SHISA9: variants seen among roughly 807,000 people sequenced by gnomAD.
The protein encoded by SHISA9 is protein shisa-9.
SHISA9 carries 13 observed loss-of-function variants against 38.0 expected under a neutral mutation model. That is an observed-to-expected ratio of 0.34 (90% CI 0.22 to 0.54). SHISA9 has a LOEUF of 0.54. Ranked by LOEUF, SHISA9 falls within the 20% of genes least tolerant of loss-of-function variation. The pLI, the probability that SHISA9 is intolerant of heterozygous loss-of-function variation, is 0.91. For missense variants in SHISA9, 538 were observed against 575.8 expected (o/e 0.93, Z 0.67); for synonymous variants, 275 against 242.0 (o/e 1.14, Z -1.27).
intron 2 of SHISA9, among the ~76,000 whole-genome samples, chr16:13,162,373 A>G (rs906189985): frequency 5.3e-5 from 8 of 152,222 alleles, no homozygotes; most frequent in African/African-American, 1.7e-4. Context: ...CCATTAAGGT[A>G]CAAATTAAAC....
chr16:13,263,061 C>T, the SHISA9 span, among the ~76,000 whole-genome samples: 1 of 152,134 alleles, frequency 6.6e-6, no homozygotes, highest in Non-Finnish European at 1.5e-5. Context: ...CTATTCATTC[C>T]TGTGGATTTA....
At chr16:13,435,954 A>C in the SHISA9 span, among the ~76,000 whole-genome samples, 1 of 152,176 alleles carries the variant, frequency 6.6e-6, no homozygotes. Context: ...TGGCTTTAGC[A>C]TAACTTGAGG....
At chr16:13,402,908 G>A in the SHISA9 span, among the ~76,000 whole-genome samples, 3 of 152,182 alleles carry the variant, frequency 2.0e-5, no homozygotes, top group Non-Finnish European at 4.4e-5. Context: ...CACAATGTCA[G>A]GAGATTGAGA....
intron 2 of SHISA9, among the ~76,000 whole-genome samples, chr16:13,003,812 C>T (rs575453209): frequency 6.6e-6 from 1 of 151,954 alleles, no homozygotes; most frequent in East Asian, 1.9e-4. Context: ...GAGCCGAGAT[C>T]GCGCCACTGC....
the SHISA9 span, among the ~76,000 whole-genome samples, chr16:13,520,994 C>T: frequency 6.6e-6 from 1 of 152,158 alleles, no homozygotes; most frequent in Non-Finnish European, 1.5e-5. Context: ...CGTGAGAACA[C>T]TCAGAATACA....
At chr16:13,076,728 T>C (rs1387941143) in intron 2 of SHISA9, among the ~76,000 whole-genome samples, 1 of 152,212 alleles carries the variant, frequency 6.6e-6, no homozygotes, top group East Asian at 1.9e-4. Flanking sequence ...ACATCGGCAA[T>C]AGCCTCTTGC....
intron 2 of SHISA9, among the ~76,000 whole-genome samples, chr16:13,139,224 C>G (rs554413023): frequency 3.6e-4 from 54 of 151,676 alleles, no homozygotes; most frequent in Non-Finnish European, 6.0e-4. Flanking sequence ...TTCCCTCACT[C>G]CCTTCCTTTC....
chr16:13,064,387 A>AT (rs2073410099), intron 2 of SHISA9, among the ~76,000 whole-genome samples: 3 of 152,210 alleles, frequency 2.0e-5, no homozygotes, highest in African/African-American at 7.2e-5. Flanking sequence ...AAAGAATAGA[A>AT]CACATGAGAT....
chr16:13,250,435 G>A, the SHISA9 span, among the ~76,000 whole-genome samples: 6 of 152,250 alleles, frequency 3.9e-5, no homozygotes, highest in East Asian at 7.7e-4. Context: ...ACTCCTAAGA[G>A]CATTAGGATA....
chr16:13,199,565 C>T (rs2050984025), intron 2 of SHISA9, among the ~76,000 whole-genome samples: 1 of 152,242 alleles, frequency 6.6e-6, no homozygotes, highest in Admixed American at 6.5e-5. Flanking sequence ...GCTTCTCTCT[C>T]TCCTCAGCTG....
At chr16:13,108,983 T>C (rs796944747) in intron 2 of SHISA9, among the ~76,000 whole-genome samples, 12 of 152,306 alleles carry the variant, frequency 7.9e-5, no homozygotes, top group African/African-American at 2.6e-4. Context: ...GTGACAGGTA[T>C]ATGATGATTC....
chr16:13,128,535 T>A (rs532851316), intron 2 of SHISA9, among the ~76,000 whole-genome samples: 2 of 152,262 alleles, frequency 1.3e-5, no homozygotes, highest in African/African-American at 4.8e-5. Context: ...CCATGTAGGA[T>A]TGGTAAGAGA....
intron 2 of SHISA9, among the ~76,000 whole-genome samples, chr16:13,010,984 C>G (rs1360436862): frequency 6.6e-6 from 1 of 152,018 alleles, no homozygotes; most frequent in African/African-American, 2.4e-5. Flanking sequence ...AATAAATATT[C>G]TTATCAAGTT....
chr16:13,495,791 G>A, the SHISA9 span, among the ~76,000 whole-genome samples: 2 of 152,070 alleles, frequency 1.3e-5, no homozygotes, highest in Non-Finnish European at 2.9e-5. Flanking sequence ...AAATGTAATA[G>A]CAAAGTTAAA....
the SHISA9 span, among the ~76,000 whole-genome samples, chr16:13,554,297 T>TTA: frequency 7.5e-6 from 1 of 133,552 alleles, no homozygotes; most frequent in South Asian, 2.4e-4. Context: ...TGCTAGAGAT[T>TTA]AAAAAAAAAA....
intron 2 of SHISA9, among the ~76,000 whole-genome samples, chr16:13,173,984 G>A (rs921788110): frequency 2.0e-5 from 3 of 152,058 alleles, no homozygotes; most frequent in Admixed American, 1.3e-4. Flanking sequence ...TCGGAGTCCT[G>A]GCAGATTCCA....
intron 2 of SHISA9, among the ~76,000 whole-genome samples, chr16:13,192,691 C>T (rs867034281): frequency 4.6e-5 from 7 of 152,028 alleles, no homozygotes; most frequent in East Asian, 1.9e-4. Context: ...CTGACTAACA[C>T]GGTGAAACCC....
chr16:13,321,516 C>T, the SHISA9 span, among the ~76,000 whole-genome samples: 1 of 152,138 alleles, frequency 6.6e-6, no homozygotes, highest in Admixed American at 6.5e-5. Context: ...TAAATAAGGC[C>T]ATTATTAGCA....
chr16:13,196,231 A>C (rs1327598441), intron 2 of SHISA9, among the ~76,000 whole-genome samples: 2 of 150,654 alleles, frequency 1.3e-5, no homozygotes, highest in African/African-American at 2.4e-5. Flanking sequence ...CCCCGTCTCT[A>C]CTAAAAATAC....
Sources: gnomAD v4.1 joint callset for allele counts (sites outside exome capture counted in the v4.1 genomes callset) on GRCh38, gnomAD v4.1.1 for gene constraint, MANE v1.5 for transcripts, NCBI Gene and HGNC (gene_info 2026-07-23, HGNC 2026-07-21) for gene names.